TMEM132B: variants seen among roughly 807,000 people sequenced by gnomAD.
TMEM132B encodes the protein transmembrane protein 132B.
In TMEM132B, 18 loss-of-function variants were observed where a neutral mutation model predicts 90.8. That is an observed-to-expected ratio of 0.20 (90% CI 0.14 to 0.29). The LOEUF is 0.29. Ranked by LOEUF, TMEM132B falls within the 10% of genes least tolerant of loss-of-function variation. The probability of loss-of-function intolerance (pLI) is 1.00; values close to 1 mark genes in which losing one functional copy is unlikely to be tolerated. For synonymous variants in TMEM132B, 504 were observed against 523.3 expected (o/e 0.96, Z 0.50); for missense variants, 1,096 against 1,326.8 (o/e 0.83, Z 2.70).
At chr12:125,477,646 C>T (rs533109901) in intron 3 of TMEM132B, among the ~76,000 whole-genome samples, 1 of 152,244 alleles carries the variant, frequency 6.6e-6, no homozygotes, top group African/African-American at 2.4e-5. Context: ...AAAGTTCAAA[C>T]ATACTTATCT....
chr12:125,407,334 A>G lies in TMEM132B; in HGVS notation c.960-8197A>G, dbSNP rs1879526809. ...TGCCCACCCACTATGTAGACAACCA[A>G]ACAAACCCAAAACCCTGTAGAGTGG... On this transcript the variant is annotated intron_variant, in intron 2 of 8. Coordinates refer to ENST00000682704, the MANE Select transcript of TMEM132B (RefSeq NM_001366854.1). This position sits in a 1 kb window ranked among gnomAD's most constrained non-coding sequence, Gnocchi z 6.7. Among the ~76,000 whole-genome samples the G allele has an allele frequency of 1.3e-5, 2 of 152,234 alleles. No individual in the cohort carries two copies. The highest frequency in any genetic ancestry group is 4.8e-5 in the African/African-American group (2 of 41,458).
At chr12:125,589,342 C>T (rs902852997) in intron 5 of TMEM132B, among the ~76,000 whole-genome samples, 32 of 151,864 alleles carry the variant, frequency 2.1e-4, no homozygotes, top group Non-Finnish European at 3.8e-4. Flanking sequence ...ATTAGCCGGG[C>T]GTAGTGGCGG....
rs149418465 is a variant in TMEM132B, at chr12:125,287,739, C to A, written c.68-61713C>A. 3.3e-3 allele frequency among the ~76,000 whole-genome samples: 446 copies of A among 134,298 alleles called. 2 individuals are homozygous for A. Among genetic ancestry groups the A allele is most frequent in the African/African-American group, 0.013 (432 of 34,264 alleles). The allele number at this position is 134,298 out of a possible 152,430, so 88.1% of individuals were successfully genotyped here. A position where few individuals can be genotyped will look rare whatever the true frequency, so the allele number is the denominator to read the frequency against. ...ATCGCTTCCAGAACAAACAAATGCACATGCCAGAATTATACCTTCCCTTCT... is the reference window on the plus strand; with the variant it reads ...ATCGCTTCCAGAACAAACAAATGCAAATGCCAGAATTATACCTTCCCTTCT... On this transcript the variant is annotated intron_variant, in intron 1 of 8. Coordinates refer to ENST00000682704, the MANE Select transcript of TMEM132B (RefSeq NM_001366854.1).
intron 3 of TMEM132B, among the ~76,000 whole-genome samples, chr12:125,441,356 A>T (rs1020381947): frequency 6.6e-6 from 1 of 152,268 alleles, no homozygotes; most frequent in Non-Finnish European, 1.5e-5. Context: ...ATATGCAAAC[A>T]AAAGGTTTCC....
At position 125,481,858 on chromosome 12, in the gene TMEM132B, C is replaced by A. The variant is rs577328008; in HGVS notation, c.1107-37581C>A. Among the ~76,000 whole-genome samples the A allele has an allele frequency of 2.6e-5, 4 of 152,314 alleles. No homozygotes were observed. The East Asian group carries it at 5.8e-4, about 22-fold the overall frequency. ...CACTACCTGACTTCAAACTATACTACAAGGCTACAGTAACCAAAACAGCAT... is the reference window on the plus strand; with the variant it reads ...CACTACCTGACTTCAAACTATACTAAAAGGCTACAGTAACCAAAACAGCAT... On this transcript the variant is annotated intron_variant, in intron 3 of 8. Transcript: ENST00000682704.
At chr12:125,545,266 T>C (rs1484242915) in intron 4 of TMEM132B, among the ~76,000 whole-genome samples, 4 of 152,190 alleles carry the variant, frequency 2.6e-5, no homozygotes, top group Admixed American at 2.6e-4. Flanking sequence ...AGTTAAGAAG[T>C]GCCTTATAGG....
intron 1 of TMEM132B, among the ~76,000 whole-genome samples, chr12:125,289,459 G>T (rs1331933471): frequency 3.9e-5 from 6 of 152,284 alleles, no homozygotes; most frequent in African/African-American, 1.4e-4. Context: ...TTTGCTCCAG[G>T]TTGCATCACT....
At chr12:125,346,629 T>TC (rs1303487210) in intron 1 of TMEM132B, among the ~76,000 whole-genome samples, 14 of 152,330 alleles carry the variant, frequency 9.2e-5, no homozygotes, top group East Asian at 1.9e-4. Flanking sequence ...CTCGACATTG[T>TC]CAAAATACAG....
At chr12:125,327,151 C>T (rs1038466392) in intron 1 of TMEM132B, among the ~76,000 whole-genome samples, 2 of 152,152 alleles carry the variant, frequency 1.3e-5, no homozygotes, top group African/African-American at 4.8e-5. Context: ...GGCCACTTTT[C>T]CCAATGGCTT....
At chr12:125,189,351 A>G (rs1957781776) in intron 1 of TMEM132B, among the ~76,000 whole-genome samples, 1 of 152,092 alleles carries the variant, frequency 6.6e-6, no homozygotes, top group Non-Finnish European at 1.5e-5. Context: ...TTGACTCATT[A>G]TGCACGGGGG....
intron 3 of TMEM132B, among the ~76,000 whole-genome samples, chr12:125,429,604 T>G (rs1490310830): frequency 6.6e-6 from 1 of 152,158 alleles, no homozygotes; most frequent in African/African-American, 2.4e-5. Context: ...CTTTCCTGTT[T>G]TAGATGACCT....
rs1879468978 is a variant in TMEM132B, at chr12:125,406,154, T to C, written c.960-9377T>C. On this transcript the variant is annotated intron_variant, in intron 2 of 8. Coordinates refer to ENST00000682704, the MANE Select transcript of TMEM132B (RefSeq NM_001366854.1). The surrounding 1 kb of genome is among the most constrained non-coding windows in gnomAD (Gnocchi z 8.3). ...GATCTTTTTGCTAGTGAATTTCCAG[T>C]AGACTGTGAGTACCTTTTACTGTCC... Among the ~76,000 whole-genome samples the C allele has an allele frequency of 6.6e-6, 1 of 152,204 alleles. No homozygotes were observed. Among genetic ancestry groups the C allele is most frequent in the Non-Finnish European group, 1.5e-5 (1 of 68,038 alleles).
chr12:125,576,769 T>C lies in TMEM132B; in HGVS notation c.1294-7082T>C, dbSNP rs1303807906. On this transcript the variant is annotated intron_variant, in intron 4 of 8. Transcript: ENST00000682704. ...TGTTCTATAATTAAGGTATATTACA[T>C]TGATTAATTTTCATATGTTGAACCA... Among the ~76,000 whole-genome samples, 3 of 152,044 alleles carry C rather than the reference T, an allele frequency of 2.0e-5. No homozygotes were observed. In the East Asian group the frequency reaches 5.8e-4, roughly 29 times the overall value.
chr12:125,609,163 C>G (rs1340419518), intron 5 of TMEM132B, among the ~76,000 whole-genome samples: 1 of 152,122 alleles, frequency 6.6e-6, no homozygotes, highest in Non-Finnish European at 1.5e-5. Flanking sequence ...CACTTGGTCC[C>G]GCCCTTGACT....
rs1879576698 is a variant in TMEM132B, at chr12:125,408,387, G to A, written c.960-7144G>A. On this transcript the variant is annotated intron_variant, in intron 2 of 8. Transcript: ENST00000682704. This position sits in a 1 kb window ranked among gnomAD's most constrained non-coding sequence, Gnocchi z 5.9. ...TGGGAGATTAGGTCATCTCCCTAAA[G>A]GAATGGGATTAATGCCCTTATAAAA... Among the ~76,000 whole-genome samples the A allele has an allele frequency of 6.6e-6, 1 of 152,150 alleles. No homozygotes were observed. The highest frequency in any genetic ancestry group is 6.5e-5 in the Admixed American group (1 of 15,284).
rs1887089275 is a variant in TMEM132B, at chr12:125,657,329, A to G, written c.*2619A>G. ...GATGTATATAAACGCATATACATAC[A>G]TATACCCGTGTGTGTGTGTGTGTGT... is the stretch of plus-strand genomic sequence containing the variant. On this transcript the variant is annotated 3_prime_UTR_variant, in exon 9 of 9. Transcript: ENST00000682704. The G allele has an allele frequency of 8.8e-6, 1 of 114,220 alleles. No homozygotes were observed. The highest frequency in any genetic ancestry group is 1.9e-5 in the Non-Finnish European group (1 of 53,732). 7.1% of individuals were successfully genotyped at this position (114,220 alleles called of 1,614,324 possible). A position where few individuals can be genotyped will look rare whatever the true frequency, so the allele number is the denominator to read the frequency against.
intron 3 of TMEM132B, among the ~76,000 whole-genome samples, chr12:125,452,517 A>G (rs567345623): frequency 1.3e-5 from 2 of 152,328 alleles, no homozygotes; most frequent in African/African-American, 4.8e-5. Context: ...ATGCTAGGTT[A>G]TAGCTATTGA....
chr12:125,507,347 G>GGGCTT (rs1294092537), intron 3 of TMEM132B, among the ~76,000 whole-genome samples: 2 of 152,144 alleles, frequency 1.3e-5, no homozygotes, highest in Non-Finnish European at 2.9e-5. Flanking sequence ...TGCCCTCACT[G>GGGCTT]GGCTTACAAT....
At chr12:125,272,246 G>A (rs1041108308) in intron 1 of TMEM132B, among the ~76,000 whole-genome samples, 4 of 152,248 alleles carry the variant, frequency 2.6e-5, no homozygotes, top group Non-Finnish European at 5.9e-5. Context: ...GGAAAGGGCT[G>A]TGGAGGGCTT....
Sources: allele counts gnomAD v4.1 joint callset (sites outside exome capture counted in the v4.1 genomes callset), GRCh38; gene constraint gnomAD v4.1.1; non-coding constraint Gnocchi (gnomAD v3.1); transcripts MANE v1.5; gene names NCBI Gene and HGNC (gene_info 2026-07-23, HGNC 2026-07-21).